The following KCNIP4 variants were observed in gnomAD, a reference collection of about 807,000 sequenced individuals.
The protein encoded by KCNIP4 is Kv channel-interacting protein 4.
In KCNIP4, 12 loss-of-function variants were observed where a neutral mutation model predicts 34.0. The ratio of observed to expected loss-of-function variants is 0.35; its 90% confidence interval spans 0.23 to 0.57. KCNIP4 has a LOEUF of 0.57. KCNIP4 is among the 20% of genes least tolerant of loss of function. The pLI is 0.83. For missense variants in KCNIP4, 238 were observed against 311.7 expected, an observed-to-expected ratio of 0.76 and a Z score of 1.78; for synonymous variants, 124 against 102.2, an observed-to-expected ratio of 1.21 and a Z score of -1.29.
intron 1 of KCNIP4, among the ~76,000 whole-genome samples, chr4:21,457,514 G>A (rs770562675): frequency 6.6e-6 from 1 of 151,962 alleles, no homozygotes; most frequent in Non-Finnish European, 1.5e-5. Flanking sequence ...AAAACAATCA[G>A]AAATGTCTTC....
chr4:21,271,995 C>T (rs1285913686), intron 1 of KCNIP4, among the ~76,000 whole-genome samples: 2 of 152,170 alleles, frequency 1.3e-5, no homozygotes, highest in Non-Finnish European at 1.5e-5. Flanking sequence ...ATTGTCATTA[C>T]TTAGAAACTG....
chr4:21,148,636 T>C (rs17506059), intron 1 of KCNIP4, among the ~76,000 whole-genome samples: 25,831 of 150,546 alleles, frequency 0.17, 2,810 homozygotes, highest in Non-Finnish European at 0.24. Flanking sequence ...GTTCAAAAAA[T>C]ATTATTCTTA....
At chr4:21,297,102 G>GTATATATATATA (rs35254813) in intron 1 of KCNIP4, among the ~76,000 whole-genome samples, 36 of 144,318 alleles carry the variant, frequency 2.5e-4, no homozygotes, top group African/African-American at 9.1e-4. Context: ...TCAAATATGT[G>GTATATATATATA]TATATATATA....
At chr4:21,716,097 T>C (rs952934398) in intron 1 of KCNIP4, among the ~76,000 whole-genome samples, 2 of 152,182 alleles carry the variant, frequency 1.3e-5, no homozygotes. Flanking sequence ...ATCTGAAGTT[T>C]ATGGGGAGCA....
chr4:21,648,772 A>G (rs1747237538), intron 1 of KCNIP4, among the ~76,000 whole-genome samples: 1 of 152,204 alleles, frequency 6.6e-6, no homozygotes, highest in Non-Finnish European at 1.5e-5. Flanking sequence ...TTTAGAAAGG[A>G]AAAATTCTGT....
intron 3 of KCNIP4, among the ~76,000 whole-genome samples, chr4:20,798,982 T>A (rs1291726241): frequency 6.6e-6 from 1 of 152,214 alleles, no homozygotes; most frequent in Non-Finnish European, 1.5e-5. Flanking sequence ...CTACACCATT[T>A]TGGAACCAGA....
At chr4:20,980,144 T>A (rs536866885) in intron 1 of KCNIP4, among the ~76,000 whole-genome samples, 1 of 152,266 alleles carries the variant, frequency 6.6e-6, no homozygotes. Context: ...GGCCTGGGCC[T>A]ATGCCCAGCA....
At chr4:21,832,324 C>A (rs1189971548) in intron 1 of KCNIP4, among the ~76,000 whole-genome samples, 2 of 152,084 alleles carry the variant, frequency 1.3e-5, no homozygotes, top group Non-Finnish European at 2.9e-5. Context: ...GAGAAAGATG[C>A]CCACTCTTGC....
chr4:21,691,786 C>A (rs2109044969), intron 1 of KCNIP4, among the ~76,000 whole-genome samples: 1 of 151,024 alleles, frequency 6.6e-6, no homozygotes, highest in South Asian at 2.1e-4. Context: ...GCAACCTCCG[C>A]TTCCAGAATT....
At position 21,834,510 on chromosome 4, in the gene KCNIP4, T is replaced by C. The variant is rs1723195560; in HGVS notation, c.61+114061A>G. Among the ~76,000 whole-genome samples the C allele has an allele frequency of 2.6e-5, 4 of 152,302 alleles. No homozygotes were observed. In the South Asian group the frequency reaches 8.3e-4, roughly 32 times the overall value. ...ATTTTGGGCTGAGACAGTGGGGTTT[T>C]CTAGATATACAATCATGTCGTCTGC... is the stretch of plus-strand genomic sequence containing the variant. On this transcript the variant is annotated intron_variant, in intron 1 of 8. Coordinates refer to ENST00000382152, the MANE Select transcript of KCNIP4 (RefSeq NM_025221.6).
At chr4:21,688,159 T>A (rs1750956443) in intron 1 of KCNIP4, among the ~76,000 whole-genome samples, 1 of 152,206 alleles carries the variant, frequency 6.6e-6, no homozygotes, top group Non-Finnish European at 1.5e-5. Flanking sequence ...GTACACACTG[T>A]GTTTGGGTAC....
At chr4:21,841,569 G>A (rs1247820968) in intron 1 of KCNIP4, among the ~76,000 whole-genome samples, 1 of 151,982 alleles carries the variant, frequency 6.6e-6, no homozygotes. Context: ...CTGGCATCTG[G>A]CTACCCTTCA....
At chr4:21,189,156 GT>G (rs1184592455) in intron 1 of KCNIP4, among the ~76,000 whole-genome samples, 1 of 152,156 alleles carries the variant, frequency 6.6e-6, no homozygotes, top group Non-Finnish European at 1.5e-5. Flanking sequence ...CATTCCAAGT[GT>G]TTTATAAATA....
At chr4:21,480,265 T>A (rs1577433060) in intron 1 of KCNIP4, among the ~76,000 whole-genome samples, 1 of 152,142 alleles carries the variant, frequency 6.6e-6, no homozygotes, top group East Asian at 1.9e-4. Flanking sequence ...ATGAACAGAT[T>A]CCCAATTCAT....
chr4:21,866,619 T>C (rs1222707277), intron 1 of KCNIP4, among the ~76,000 whole-genome samples: 1 of 152,214 alleles, frequency 6.6e-6, no homozygotes, highest in Non-Finnish European at 1.5e-5. Flanking sequence ...TAAAGTATGC[T>C]GTCCTTATCC....
intron 1 of KCNIP4, among the ~76,000 whole-genome samples, chr4:21,824,853 A>C (rs1722579311): frequency 6.6e-6 from 1 of 152,138 alleles, no homozygotes; most frequent in African/African-American, 2.4e-5. Context: ...ATCAACAGCA[A>C]GATATGTGAG....
At chr4:21,338,059 T>C (rs1360156309) in intron 1 of KCNIP4, among the ~76,000 whole-genome samples, 4 of 152,074 alleles carry the variant, frequency 2.6e-5, no homozygotes, top group African/African-American at 7.2e-5. Context: ...GGCTTCAAGA[T>C]AGCTCCTTTA....
intron 1 of KCNIP4, among the ~76,000 whole-genome samples, chr4:21,762,680 C>A (rs1718140237): frequency 6.6e-6 from 1 of 152,098 alleles, no homozygotes; most frequent in African/African-American, 2.4e-5. Context: ...TTAAAGCCAA[C>A]CATCATAACC....
At chr4:20,793,275 T>C (rs13149493) in intron 3 of KCNIP4, among the ~76,000 whole-genome samples, 1 of 151,890 alleles carries the variant, frequency 6.6e-6, no homozygotes, top group Non-Finnish European at 1.5e-5. Context: ...TAAAACAACA[T>C]GAATGAATCT....
Sources: gnomAD v4.1 joint callset for allele counts (sites outside exome capture counted in the v4.1 genomes callset) on GRCh38, gnomAD v4.1.1 for gene constraint, MANE v1.5 for transcripts, NCBI Gene and HGNC (gene_info 2026-07-23, HGNC 2026-07-21) for gene names.